SCN10A: variants seen among roughly 807,000 people sequenced by gnomAD.
The protein encoded by SCN10A is sodium channel protein type 10 subunit alpha.
A neutral mutation model predicts 170.7 loss-of-function variants in SCN10A; 162 were observed. The ratio of observed to expected loss-of-function variants is 0.95; its 90% confidence interval spans 0.84 to 1.08. The LOEUF (loss-of-function observed/expected upper bound fraction) is 1.08. SCN10A is among the 50% of genes least tolerant of loss of function. The pLI, the probability that SCN10A is intolerant of heterozygous loss-of-function variation, is 0.00. For synonymous variants in SCN10A, 985 were observed against 904.6 expected (o/e 1.09, Z -1.59); for missense variants, 2,527 against 2,436.9 (o/e 1.04, Z -0.78).
intron 21 of SCN10A, among the ~76,000 whole-genome samples, chr3:38,717,185 A>G (rs1194315903): frequency 1.3e-5 from 2 of 152,164 alleles, no homozygotes; most frequent in Non-Finnish European, 2.9e-5. Context: ...AAGAATGGGA[A>G]TGGATGGATG....
At chr3:38,810,372 G>A (rs2064432653) in intron 1 of SCN10A, among the ~76,000 whole-genome samples, 2 of 152,176 alleles carry the variant, frequency 1.3e-5, no homozygotes, top group South Asian at 4.1e-4. Flanking sequence ...AGGAAATTCA[G>A]TGTTGCTGTG....
At chr3:38,755,730 T>C (rs1280672323) in intron 11 of SCN10A, 58 bp downstream of exon 11, 11 of 1,594,990 alleles carry the variant, frequency 6.9e-6, no homozygotes, top group South Asian at 2.2e-5. Context: ...CTCCAACTCA[T>C]TGTCTACGGC....
intron 22 of SCN10A, among the ~76,000 whole-genome samples, chr3:38,713,690 A>G (rs967930573): frequency 6.6e-6 from 1 of 151,894 alleles, no homozygotes; most frequent in Admixed American, 6.5e-5. Flanking sequence ...CAGACCAGAG[A>G]AGTTTTTTGT....
At chr3:38,761,121 A>G in intron 7 of SCN10A, 71 bp downstream of exon 7, 1 of 1,237,452 alleles carries the variant, frequency 8.1e-7, no homozygotes. Flanking sequence ...CAGGGGCTCC[A>G]TATCCCCTGT....
At position 38,697,866 on chromosome 3, in the gene SCN10A, A is replaced by G. The variant is rs746653389; in HGVS notation, c.5354T>C (p.Leu1785Pro). The change falls in exon 28 of 28, where the codon CTG (leucine) becomes CCG (proline). Residue 1785 changes from leucine (L) to proline (P), a missense_variant. Transcript: ENST00000449082. ...GACCAAAGGCAGGTCCATCTGGATC[A>G]GTATATTTCGATTGGGTTTTGGGAT... ...LRIPKPNRNI[L>P]IQMDLPLVPG... 6.2e-7 allele frequency: 1 copy of G among 1,614,178 alleles called. No homozygotes were observed. Among genetic ancestry groups the G allele is most frequent in the East Asian group, 2.2e-5 (1 of 44,886 alleles).
In SCN10A at chr3:38,712,311, A is replaced by G; in HGVS notation, c.3939T>C (p.Tyr1313=). The change falls in exon 23 of 28, where the codon TAT becomes TAC. Residue 1313 remains tyrosine (Y), a synonymous_variant. Transcript: ENST00000449082. The part of the protein sequence containing the change: ...FAGKFWRCIN[Y]TDGEFSLVPL... Reference sequence around the variant, plus strand: ...GTACAAGGGAAAACTCTCCATCGGTATAGTTGATGCACCTCCAAAACTTCC... The same window carrying G: ...GTACAAGGGAAAACTCTCCATCGGTGTAGTTGATGCACCTCCAAAACTTCC... 6.2e-7 allele frequency: 1 copy of G among 1,614,232 alleles called. No individual in the cohort carries two copies. The highest frequency in any genetic ancestry group is 8.5e-7 in the Non-Finnish European group (1 of 1,180,030).
intron 4 of SCN10A, among the ~76,000 whole-genome samples, chr3:38,784,570 A>G (rs2064175778): frequency 6.6e-6 from 1 of 152,168 alleles, no homozygotes; most frequent in Non-Finnish European, 1.5e-5. Context: ...GAAAACCAGC[A>G]CAAGACAAGA....
intron 21 of SCN10A, among the ~76,000 whole-genome samples, chr3:38,715,515 C>T (rs1275250813): frequency 6.6e-6 from 1 of 152,222 alleles, no homozygotes; most frequent in Non-Finnish European, 1.5e-5. Flanking sequence ...ATATTTCACC[C>T]ACACATTCTA....
Position 38,697,354 on chromosome 3 carries a change from G to A in SCN10A, c.5866C>T (p.Pro1956Ser), listed in dbSNP as rs748441157. 6.2e-7 allele frequency: 1 copy of A among 1,613,610 alleles called. No individual in the cohort carries two copies. The highest frequency in any genetic ancestry group is 1.1e-5 in the South Asian group (1 of 91,068). Reference sequence around the variant, plus strand: ...TCCAGGCTGGAGTGTTCTCACTAGGGCCCAGGGGCAATCAGCTCCATACTG... The same window carrying A: ...TCCAGGCTGGAGTGTTCTCACTAGGACCCAGGGGCAATCAGCTCCATACTG... ...ATSMELIAPGP is the reference protein window; with the variant it reads ...ATSMELIAPGS The change falls in exon 28 of 28, where the codon CCC becomes TCC. Residue 1956 changes from proline to serine, a missense_variant. Transcript: ENST00000449082.
intron 27 of SCN10A, among the ~76,000 whole-genome samples, chr3:38,700,598 A>T (rs541858070): frequency 1.1e-4 from 16 of 152,184 alleles, no homozygotes; most frequent in Non-Finnish European, 1.9e-4. Context: ...TTACATGTGG[A>T]TCATACCTCA....
chr3:38,786,954 C>A (rs533876575), intron 4 of SCN10A, among the ~76,000 whole-genome samples: 110 of 152,282 alleles, frequency 7.2e-4, no homozygotes, highest in African/African-American at 2.5e-3. Context: ...AATGAGTTCT[C>A]CCACTTTGTA....
chr3:38,812,371 T>C (rs1235411576), intron 1 of SCN10A, among the ~76,000 whole-genome samples: 1 of 152,198 alleles, frequency 6.6e-6, no homozygotes, highest in African/African-American at 2.4e-5. Flanking sequence ...GGCAATGTTC[T>C]TATCTCTTCT....
intron 4 of SCN10A, among the ~76,000 whole-genome samples, chr3:38,774,678 C>T (rs984364434): frequency 2.0e-5 from 3 of 152,150 alleles, no homozygotes; most frequent in Non-Finnish European, 4.4e-5. Flanking sequence ...CACTGAGATA[C>T]CCAACTTGTA....
intron 20 of SCN10A, among the ~76,000 whole-genome samples, chr3:38,720,817 T>C (rs2063382153): frequency 6.6e-6 from 1 of 152,296 alleles, no homozygotes; most frequent in East Asian, 1.9e-4. Flanking sequence ...GGAGAGCACC[T>C]GGCCAACAGC....
intron 15 of SCN10A, among the ~76,000 whole-genome samples, chr3:38,738,363 C>T (rs1020089595): frequency 6.6e-6 from 1 of 152,184 alleles, no homozygotes; most frequent in Admixed American, 6.5e-5. Context: ...ACATCTCTTC[C>T]ATGGCTGGCT....
intron 4 of SCN10A, among the ~76,000 whole-genome samples, chr3:38,776,569 T>C (rs2064077545): frequency 6.6e-6 from 1 of 152,108 alleles, no homozygotes. Context: ...ACACTGTTTT[T>C]GAAAACATAA....
At position 38,707,378 on chromosome 3, in the gene SCN10A, C is replaced by T. The variant is rs765776366; in HGVS notation, c.4287G>A (p.Gly1429=). The T allele has an allele frequency of 3.1e-6, 5 of 1,613,924 alleles. No homozygotes were observed. Among genetic ancestry groups the T allele is most frequent in the Admixed American group, 3.3e-5 (2 of 59,998 alleles). Reference sequence around the variant, plus strand: ...CCTCTGTCATGAAGATGTCCTGGCCCCCTAAGTGCAGAGAGGGCCACACTG... The same window carrying T: ...CCTCTGTCATGAAGATGTCCTGGCCTCCTAAGTGCAGAGAGGGCCACACTG... ...DNFNQQKKKL[G]GQDIFMTEEQ... Residue 1429 remains glycine (G), a synonymous_variant, in exon 26 of 28, where the codon GGG becomes GGA. Coordinates refer to ENST00000449082, the MANE Select transcript of SCN10A (RefSeq NM_006514.4).
In SCN10A at chr3:38,698,320, A is replaced by G. The variant is rs2063119113; in HGVS notation, c.4900T>C (p.Trp1634Arg). Residue 1634 changes from tryptophan (W) to arginine (R), a missense_variant, in exon 28 of 28, where the codon TGG becomes CGG. Trp to Arg is a moderately radical substitution (Grantham distance 101, BLOSUM62 -3). Transcript: ENST00000449082. ...AACATGTCGTCGATGCCAGCCTCCC[A>G]CCTCACATGGGGAAAGCTGGACATA... ...FGMSSFPHVR[W>R]EAGIDDMFNF... 1.2e-6 allele frequency: 2 copies of G among 1,613,968 alleles called. No homozygotes were observed. Among genetic ancestry groups the G allele is most frequent in the Non-Finnish European group, 1.7e-6 (2 of 1,179,876 alleles).
chr3:38,800,733 C>T lies in SCN10A; in HGVS notation c.-32-6691G>A, dbSNP rs549742961. 1.2e-4 allele frequency among the ~76,000 whole-genome samples: 18 copies of T among 152,236 alleles called. No homozygotes were observed. In the South Asian group the frequency reaches 3.3e-3, roughly 28 times the overall value. The stretch of plus-strand genomic sequence containing the variant: ...CTGGCCAGGAACTTCAGGAAGCTTA[C>T]ATCCAGGGAATGAGAACAGAGTGGA... On this transcript the variant is annotated intron_variant, in intron 1 of 27. Coordinates refer to ENST00000449082, the MANE Select transcript of SCN10A (RefSeq NM_006514.4).
Sources: allele counts gnomAD v4.1 joint callset (sites outside exome capture counted in the v4.1 genomes callset), GRCh38; gene constraint gnomAD v4.1.1; transcripts MANE v1.5; gene names NCBI Gene and HGNC (gene_info 2026-07-23, HGNC 2026-07-21).